The following RSPO2 variants were observed in gnomAD, a reference collection of about 807,000 sequenced individuals.
RSPO2 encodes the protein R-spondin-2.
In RSPO2, 14 loss-of-function variants were observed where a neutral mutation model predicts 30.9. That is an observed-to-expected ratio of 0.45 (90% CI 0.30 to 0.71). The LOEUF (loss-of-function observed/expected upper bound fraction) is 0.71. Among genes scored for constraint, RSPO2 ranks in the 30% least tolerant of loss-of-function variants. The pLI, the probability that RSPO2 is intolerant of heterozygous loss-of-function variation, is 0.08. For missense variants in RSPO2, 264 were observed against 301.9 expected (o/e 0.87, Z 0.93); for synonymous variants, 107 against 96.4 (o/e 1.11, Z -0.64).
Position 107,993,743 on chromosome 8 carries a change from G to A in RSPO2, c.95-4499C>T, listed in dbSNP as rs577639636. Among the ~76,000 whole-genome samples the A allele has an allele frequency of 6.6e-5, 10 of 152,266 alleles. No homozygotes were observed. In the South Asian group the frequency reaches 1.0e-3, roughly 16 times the overall value. On this transcript the variant is annotated intron_variant, in intron 2 of 5. Transcript: ENST00000276659. ...AATCCCAATATCGTATCAGCAGGGC[G>A]TGCTTCCTCTCAAGGACTCTGGCAA...
At chr8:107,947,081 T>C (rs1586568282) in intron 5 of RSPO2, among the ~76,000 whole-genome samples, 2 of 152,226 alleles carry the variant, frequency 1.3e-5, no homozygotes, top group African/African-American at 4.8e-5. Context: ...GCTACATGGT[T>C]TTCTCCTGAA....
intron 5 of RSPO2, among the ~76,000 whole-genome samples, chr8:107,952,641 A>C (rs1030081497): frequency 6.6e-6 from 1 of 152,220 alleles, no homozygotes; most frequent in African/African-American, 2.4e-5. Flanking sequence ...AATAAAGAAC[A>C]TATGTCCATC....
intron 5 of RSPO2, among the ~76,000 whole-genome samples, chr8:107,941,154 C>T (rs1181948279): frequency 1.3e-5 from 2 of 151,934 alleles, no homozygotes; most frequent in African/African-American, 4.8e-5. Context: ...GACCTTATAC[C>T]AATCATATCC....
intron 1 of RSPO2, 91 bp from the exon 2 acceptor site, chr8:108,082,898 G>A: frequency 2.1e-6 from 1 of 469,628 alleles, no homozygotes; most frequent in Non-Finnish European, 3.8e-6. Flanking sequence ...ATTTAAAGAA[G>A]AGAGGGAAGG....
intron 2 of RSPO2, among the ~76,000 whole-genome samples, chr8:108,026,873 A>G (rs537941247): frequency 6.6e-6 from 1 of 152,282 alleles, no homozygotes; most frequent in African/African-American, 2.4e-5. Flanking sequence ...CTCAAAAAAA[A>G]AATACTAACA....
At chr8:107,959,372 A>AC (rs1281222362) in intron 4 of RSPO2, among the ~76,000 whole-genome samples, 2 of 152,054 alleles carry the variant, frequency 1.3e-5, no homozygotes, top group Admixed American at 6.6e-5. Flanking sequence ...AAAATAGGCT[A>AC]CCCCCCAACT....
chr8:108,014,170 G>T (rs1563563870), intron 2 of RSPO2, among the ~76,000 whole-genome samples: 1 of 152,152 alleles, frequency 6.6e-6, no homozygotes, highest in Non-Finnish European at 1.5e-5. Context: ...TTAGAATGGT[G>T]ATCATTAAAA....
chr8:107,996,324 A>T (rs1170620488), intron 2 of RSPO2, among the ~76,000 whole-genome samples: 1 of 152,162 alleles, frequency 6.6e-6, no homozygotes, highest in African/African-American at 2.4e-5. Context: ...CTTTCACGAA[A>T]AAGCCACCCC....
chr8:107,968,628 A>G (rs115029199), intron 3 of RSPO2, among the ~76,000 whole-genome samples: 343 of 152,234 alleles, frequency 2.3e-3, no homozygotes, highest in African/African-American at 7.9e-3. Flanking sequence ...GAGGTGACGG[A>G]TATCCTAATT....
intron 5 of RSPO2, among the ~76,000 whole-genome samples, chr8:107,938,267 T>C (rs1254435061): frequency 2.0e-5 from 3 of 152,142 alleles, no homozygotes; most frequent in African/African-American, 7.2e-5. Context: ...ACTCATGTAA[T>C]TTCAGCCTTG....
In RSPO2 at chr8:107,972,189, G is replaced by A. The variant is rs755161428; in HGVS notation, c.284-11372C>T. On this transcript the variant is annotated intron_variant, in intron 3 of 5. Coordinates refer to ENST00000276659, the MANE Select transcript of RSPO2 (RefSeq NM_178565.5). ...GAGACAGAGTCTCACTCTGTCACCCGGGATGGAGTGCAGTAGTGCAATCTC... is the reference window on the plus strand; with the variant it reads ...GAGACAGAGTCTCACTCTGTCACCCAGGATGGAGTGCAGTAGTGCAATCTC... 5.3e-5 allele frequency among the ~76,000 whole-genome samples: 8 copies of A among 150,946 alleles called. No homozygotes were observed. The East Asian group carries it at 5.9e-4, about 11-fold the overall frequency.
chr8:107,977,095 A>G lies in RSPO2; in HGVS notation c.283+11961T>C, dbSNP rs541116428. Among the ~76,000 whole-genome samples the G allele has an allele frequency of 2.0e-5, 3 of 152,342 alleles. No individual in the cohort carries two copies. In the East Asian group the frequency reaches 5.8e-4, roughly 29 times the overall value. On this transcript the variant is annotated intron_variant, in intron 3 of 5. Transcript: ENST00000276659. ...AAGCCAGCATATTCTAACACATTCT[A>G]TCATGATCAGCTCATGATCAGTACA...
intron 5 of RSPO2, among the ~76,000 whole-genome samples, chr8:107,908,309 C>T (rs1053757432): frequency 5.3e-5 from 8 of 152,052 alleles, no homozygotes; most frequent in East Asian, 3.9e-4. Context: ...ATCCGTAGTC[C>T]GTCAAAGAGA....
chr8:108,007,163 C>T (rs1470248827), intron 2 of RSPO2, among the ~76,000 whole-genome samples: 5 of 152,086 alleles, frequency 3.3e-5, no homozygotes, highest in Non-Finnish European at 7.4e-5. Context: ...TCGGTTTAGT[C>T]TTGTTTAATT....
chr8:107,901,165 C>T lies in RSPO2; in HGVS notation c.642G>A (p.Glu214=). The change falls in exon 6 of 6, where the codon GAG becomes GAA. Residue 214 remains glutamate (E), a synonymous_variant. Transcript: ENST00000276659. ...TCCTTTTCTTTTTCTTGTTCCTCTT[C>T]TCCTTCGCCTTTGGTGTTCTCTTCC... ...PGGKRTPKAK[E]KRNKKKKRKL... The T allele has an allele frequency of 6.2e-7, 1 of 1,613,852 alleles. No homozygotes were observed. Among genetic ancestry groups the T allele is most frequent in the East Asian group, 2.2e-5 (1 of 44,868 alleles).
At position 108,082,627 on chromosome 8, in the gene RSPO2, G is replaced by A. The variant is rs1210837300; in HGVS notation, c.12C>T (p.Arg4=). 1.2e-6 allele frequency: 2 copies of A among 1,614,030 alleles called. No homozygotes were observed. The highest frequency in any genetic ancestry group is 1.7e-4 in the Middle Eastern group (1 of 6,060). The change falls in exon 2 of 6, where the codon CGC becomes CGT. Residue 4 remains arginine, a synonymous_variant. Coordinates refer to ENST00000276659, the MANE Select transcript of RSPO2 (RefSeq NM_178565.5). MQF[R]LFSFALIILN... ...GAATGATGAGGGCAAAGGAGAAAAGGCGAAACTGCATCTGGGCGGTCGGGC... is the reference window on the plus strand; with the variant it reads ...GAATGATGAGGGCAAAGGAGAAAAGACGAAACTGCATCTGGGCGGTCGGGC...
At chr8:107,958,659 C>T (rs1813516211) in intron 4 of RSPO2, among the ~76,000 whole-genome samples, 1 of 152,160 alleles carries the variant, frequency 6.6e-6, no homozygotes, top group Admixed American at 6.5e-5. Flanking sequence ...TTAAGCCCAG[C>T]ATCCATTATC....
At chr8:107,983,402 C>T (rs1814517980) in intron 3 of RSPO2, 4 of 1,605,302 alleles carry the variant, frequency 2.5e-6, no homozygotes, top group Admixed American at 1.7e-5. Flanking sequence ...GATGTAGCTG[C>T]CCATCTTCAG....
At chr8:107,985,148 G>A (rs1814581084) in intron 3 of RSPO2, among the ~76,000 whole-genome samples, 1 of 152,072 alleles carries the variant, frequency 6.6e-6, no homozygotes. Flanking sequence ...AGACAAAAAT[G>A]AAGTTTTATA....
Sources: allele counts gnomAD v4.1 joint callset (sites outside exome capture counted in the v4.1 genomes callset), GRCh38; gene constraint gnomAD v4.1.1; transcripts MANE v1.5; gene names NCBI Gene and HGNC (gene_info 2026-07-23, HGNC 2026-07-21).